Variants in INPPL1 observed in about 807,000 individuals in gnomAD.
INPPL1 encodes the protein inositol polyphosphate phosphatase like 1.
Under a neutral mutation model 139.3 loss-of-function variants are expected in INPPL1, and 91 were observed. The observed-to-expected ratio is 0.65, with a 90% confidence interval of 0.55 to 0.78. The LOEUF (loss-of-function observed/expected upper bound fraction) is 0.78, where lower values mean the gene tolerates loss of function less well. Ranked by LOEUF, INPPL1 falls within the 30% of genes least tolerant of loss-of-function variation. INPPL1 has a pLI of 0.00. For missense variants in INPPL1, 1,411 were observed against 1,665.6 expected (o/e 0.85, Z 2.66); for synonymous variants, 719 against 686.6 (o/e 1.05, Z -0.74).
At chr11:72,237,058 A>C (rs1382010027) in intron 25 of INPPL1, 66 bp from the exon 26 acceptor site, 1 of 1,429,762 alleles carries the variant, frequency 7.0e-7, no homozygotes, top group Non-Finnish European at 9.4e-7. Flanking sequence ...TTCTCCTTCC[A>C]CTGCTTCCAC....
At chr11:72,224,030 T>G (rs542191097), upstream of INPPL1, 4 of 152,162 alleles carry the variant, frequency 2.6e-5, no homozygotes, top group East Asian at 7.8e-4. Context: ...GGGATCCTCC[T>G]GGCTTCGGAC....
In INPPL1 at chr11:72,228,588, T is replaced by G; in HGVS notation, c.397+90T>G. The G allele has an allele frequency of 6.5e-7, 1 of 1,531,828 alleles. No individual in the cohort carries two copies. Among genetic ancestry groups the G allele is most frequent in the Non-Finnish European group, 8.8e-7 (1 of 1,132,580 alleles). 94.9% of individuals were successfully genotyped at this position (1,531,828 alleles called of 1,614,324 possible). A position where few individuals can be genotyped will look rare whatever the true frequency, so the allele number is the denominator to read the frequency against. The stretch of plus-strand genomic sequence containing the variant: ...CCCCCCTTCTCAACCCCACCTCTCC[T>G]GTAACCCCCTTTCCCTTGGCCATGA... On this transcript the variant is annotated intron_variant, in intron 3 of 27. Transcript: ENST00000298229. The surrounding 1 kb of genome is among the most constrained non-coding windows in gnomAD (Gnocchi z 5.0).
At position 72,237,266 on chromosome 11, in the gene INPPL1, C is replaced by T; in HGVS notation, c.3022C>T (p.Pro1008Ser). 1 of 1,614,032 alleles carries T rather than the reference C, an allele frequency of 6.2e-7. No individual in the cohort carries two copies. Among genetic ancestry groups the T allele is most frequent in the Non-Finnish European group, 8.5e-7 (1 of 1,180,016 alleles). Residue 1008 changes from proline (P) to serine (S), a missense_variant, in exon 26 of 28, where the codon CCT becomes TCT. Physicochemically the swap from Pro to Ser is moderately conservative, Grantham distance 74 (BLOSUM62 -1). Transcript: ENST00000298229. ...PPEPPSPARAPVPSATKNKVA... is the reference protein window; with the variant it reads ...PPEPPSPARASVPSATKNKVA... The stretch of plus-strand genomic sequence containing the variant: ...GGAGCCACCCTCGCCTGCCAGGGCC[C>T]CTGTCCCATCTGCCACCAAGAACAA...
chr11:72,235,857 G>T lies in INPPL1; in HGVS notation c.2750G>T (p.Arg917Leu), dbSNP rs748853590. 1 of 1,612,324 alleles carries T rather than the reference G, an allele frequency of 6.2e-7. No homozygotes were observed. Among genetic ancestry groups the T allele is most frequent in the East Asian group, 2.2e-5 (1 of 44,876 alleles). The change falls in exon 25 of 28, where the codon CGC becomes CTC. Residue 917 changes from arginine to leucine, a missense_variant. This residue lies in a region of INPPL1 where 99 missense variants were observed against 171.6 expected (regional missense o/e 0.58). Transcript: ENST00000298229. The surrounding 1 kb of genome is among the most constrained non-coding windows in gnomAD (Gnocchi z 4.9). ...RGSQEPRSGS[R>L]KPAFTEASCP... ...TGCATCCCTGGCAGGTCAGGGAGCC[G>T]CAAGCCAGCCTTCACAGAGGCCTCC... is the stretch of plus-strand genomic sequence containing the variant.
Position 72,237,709 on chromosome 11 carries a change from C to G in INPPL1, c.3465C>G (p.Pro1155=). 1.9e-6 allele frequency: 3 copies of G among 1,611,612 alleles called. No homozygotes were observed. The highest frequency in any genetic ancestry group is 1.7e-6 in the Non-Finnish European group (2 of 1,179,448). Residue 1155 remains proline, a synonymous_variant, in exon 26 of 28, where the codon CCC becomes CCG. Transcript: ENST00000298229. ...CAGGCCCCCTGGAGCTGCAGCCCCC[C>G]CGGGGACTGCCCTCGGACTATGGCC... ...LLPGPLELQP[P]RGLPSDYGRP...
rs1478649167 is a variant in INPPL1, at chr11:72,230,110, C to A, written c.940-11C>A. The A allele has an allele frequency of 1.9e-6, 3 of 1,611,052 alleles. No homozygotes were observed. The highest frequency in any genetic ancestry group is 1.7e-5 in the Admixed American group (1 of 59,940). ...AAGGTCTTGTCAGCAGCCTCCCCAC[C>A]TGGCCTACAGGTGAAGCTAGATGTG... On this transcript the variant is annotated splice_polypyrimidine_tract_variant and intron_variant, in intron 8 of 27. Transcript: ENST00000298229.
rs768403979 is a variant in INPPL1 at position 72,228,447 on chromosome 11, C to T, written c.346C>T (p.Pro116Ser). The T allele has an allele frequency of 1.2e-6, 2 of 1,612,170 alleles. No homozygotes were observed. Among genetic ancestry groups the T allele is most frequent in the South Asian group, 2.2e-5 (2 of 91,064 alleles). The change falls in exon 3 of 28, where the codon CCT becomes TCT. Residue 116 changes from proline to serine, a missense_variant. Physicochemically the swap from Pro to Ser is moderately conservative, Grantham distance 74. Around this residue, in one of 5 missense-constraint regions of INPPL1, gnomAD observed 504 missense variants for 595.6 expected, o/e 0.85. Coordinates refer to ENST00000298229, the MANE Select transcript of INPPL1 (RefSeq NM_001567.4). This position sits in a 1 kb window ranked among gnomAD's most constrained non-coding sequence, Gnocchi z 5.0. Reference sequence around the variant, plus strand: ...GGGCCTTGTGTGCGCCCTGCTTCTTCCTGTAGAGGGTGAGCGAGAGCCGGA... The same window carrying T: ...GGGCCTTGTGTGCGCCCTGCTTCTTTCTGTAGAGGGTGAGCGAGAGCCGGA... ...NQGLVCALLL[P>S]VEGEREPDPP... is the part of the protein sequence containing the mutation.
In INPPL1 at chr11:72,230,777, G is replaced by A; in HGVS notation, c.1198-19G>A. ...TTCCTGGATGCCTACCCGCCCCTGA[G>A]TGGCTGCTGTTCCCCCAGAAGCGGG... On this transcript the variant is annotated intron_variant, in intron 10 of 27. Coordinates refer to ENST00000298229, the MANE Select transcript of INPPL1 (RefSeq NM_001567.4). 1 of 1,609,940 alleles carries A rather than the reference G, an allele frequency of 6.2e-7. No individual in the cohort carries two copies. Among genetic ancestry groups the A allele is most frequent in the African/African-American group, 1.3e-5 (1 of 74,988 alleles).
intron 10 of INPPL1, 34 bp downstream of exon 10, chr11:72,230,502 T>A (rs764626800): frequency 6.3e-7 from 1 of 1,584,434 alleles, no homozygotes; most frequent in Non-Finnish European, 8.7e-7. Context: ...CACTGGGGAC[T>A]GCGGGGGTCC....
chr11:72,237,272 C>T lies in INPPL1; in HGVS notation c.3028C>T (p.Pro1010Ser). Residue 1010 changes from proline (P) to serine (S), a missense_variant, in exon 26 of 28, where the codon CCA becomes TCA. Coordinates refer to ENST00000298229, the MANE Select transcript of INPPL1 (RefSeq NM_001567.4). Reference sequence around the variant, plus strand: ...ACCCTCGCCTGCCAGGGCCCCTGTCCCATCTGCCACCAAGAACAAAGTGGC... The same window carrying T: ...ACCCTCGCCTGCCAGGGCCCCTGTCTCATCTGCCACCAAGAACAAAGTGGC... ...EPPSPARAPV[P>S]SATKNKVAIT... The T allele has an allele frequency of 6.2e-7, 1 of 1,614,022 alleles. No homozygotes were observed. Among genetic ancestry groups the T allele is most frequent in the Non-Finnish European group, 8.5e-7 (1 of 1,180,018 alleles).
chr11:72,234,732 AGTGTGTGTGT>A lies in INPPL1; in HGVS notation c.2415+140_2415+149del, dbSNP rs112903949. 2.3e-5 allele frequency: 12 copies of A among 528,410 alleles called. No individual in the cohort carries two copies. Among genetic ancestry groups the A allele is most frequent in the East Asian group, 3.3e-5 (1 of 30,600 alleles). 32.7% of individuals were successfully genotyped at this position (528,410 alleles called of 1,614,324 possible). ...GGGGCCAGCAGAGAGAGAGAGAGAG[AGTGTGTGTGT>A]GTGTGTGTGTGTGTGTGTGTGTATG... On this transcript the variant is annotated intron_variant, in intron 21 of 27. Transcript: ENST00000298229. The surrounding 1 kb of genome is among the most constrained non-coding windows in gnomAD (Gnocchi z 4.2).
Position 72,234,513 on chromosome 11 carries a change from C to T in INPPL1, c.2327-14C>T, listed in dbSNP as rs1160870782. 4 of 1,596,208 alleles carry T rather than the reference C, an allele frequency of 2.5e-6. No homozygotes were observed. Among genetic ancestry groups the T allele is most frequent in the South Asian group, 2.2e-5 (2 of 90,718 alleles). ...AGGTGGTGCTCAGTTGGGTGTCTCCCACCCCCACCCCAGAATACAAGAAGA... is the reference window on the plus strand; with the variant it reads ...AGGTGGTGCTCAGTTGGGTGTCTCCTACCCCCACCCCAGAATACAAGAAGA... On this transcript the variant is annotated splice_polypyrimidine_tract_variant and intron_variant, in intron 20 of 27. Coordinates refer to ENST00000298229, the MANE Select transcript of INPPL1 (RefSeq NM_001567.4). This position sits in a 1 kb window ranked among gnomAD's most constrained non-coding sequence, Gnocchi z 4.2.
Position 72,230,430 on chromosome 11 carries a change from C to T in INPPL1, c.1159C>T (p.Arg387Trp), listed in dbSNP as rs778197564. 12 of 1,613,946 alleles carry T rather than the reference C, an allele frequency of 7.4e-6. No individual in the cohort carries two copies. The highest frequency in any genetic ancestry group is 2.7e-5 in the African/African-American group (2 of 74,938). The change falls in exon 10 of 28, where the codon CGG becomes TGG. Residue 387 changes from arginine (R) to tryptophan (W), a missense_variant. By Grantham distance (101) the Arg-to-Trp change is moderately radical. Around this residue, in one of 5 missense-constraint regions of INPPL1, gnomAD observed 504 missense variants for 595.6 expected, o/e 0.85. Transcript: ENST00000298229. ...LGVVFEKEKD[R>W]TQRKDFIFVS... ...TGTTGTGTTTGAGAAGGAGAAGGAC[C>T]GGACTCAGCGCAAGGACTTCATCTT...
intron 1 of INPPL1, among the ~76,000 whole-genome samples, chr11:72,226,775 C>A (rs188284145): frequency 6.6e-6 from 1 of 152,182 alleles, no homozygotes; most frequent in African/African-American, 2.4e-5. Flanking sequence ...TTCCCAGCCC[C>A]CTCTGAGGCA....
Position 72,224,844 on chromosome 11 carries a change from C to G in INPPL1, c.-141C>G, listed in dbSNP as rs1234281950. The stretch of plus-strand genomic sequence containing the variant: ...ACGAGGCGGCCTGCGCGGCGGAGTG[C>G]TGAGTCCCGATCCCCGGCTCTGTCC... On this transcript the variant is annotated 5_prime_UTR_variant, in exon 1 of 28. Transcript: ENST00000298229. The G allele has an allele frequency of 4.4e-6, 2 of 450,164 alleles. No individual in the cohort carries two copies. Among genetic ancestry groups the G allele is most frequent in the Non-Finnish European group, 6.0e-6 (2 of 333,224 alleles). 27.9% of individuals were successfully genotyped at this position (450,164 alleles called of 1,614,324 possible).
Position 72,225,182 on chromosome 11 carries a change from G to A in INPPL1, c.182+16G>A. Reference sequence around the variant, plus strand: ...TCTGCGTCCTGTGAGTGGGGCGGGGGCTCCTTGCGGGCTGGCGTGGACCGG... The same window carrying A: ...TCTGCGTCCTGTGAGTGGGGCGGGGACTCCTTGCGGGCTGGCGTGGACCGG... On this transcript the variant is annotated intron_variant, in intron 1 of 27. Transcript: ENST00000298229. The A allele has an allele frequency of 1.1e-6, 1 of 948,118 alleles. No individual in the cohort carries two copies. The highest frequency in any genetic ancestry group is 1.4e-6 in the Non-Finnish European group (1 of 734,238). The allele number at this position is 948,118 out of a possible 1,614,324, so 58.7% of individuals were successfully genotyped here.
intron 19 of INPPL1, 21 bp downstream of exon 19, chr11:72,233,765 T>C: frequency 6.2e-7 from 1 of 1,603,106 alleles, no homozygotes; most frequent in Non-Finnish European, 8.5e-7. Context: ...CAGATATGCT[T>C]GTGGGTGTGG....
In INPPL1 at chr11:72,230,482, T is replaced by C; in HGVS notation, c.1197+14T>C. The C allele has an allele frequency of 6.2e-7, 1 of 1,611,898 alleles. No homozygotes were observed. Among genetic ancestry groups the C allele is most frequent in the Non-Finnish European group, 8.5e-7 (1 of 1,178,776 alleles). On this transcript the variant is annotated intron_variant, in intron 10 of 27. Coordinates refer to ENST00000298229, the MANE Select transcript of INPPL1 (RefSeq NM_001567.4). ...GTCAGTGCCCGGGTGAGCAGCAGGC[T>C]GGGCCAGGCCACTGGGGACTGCGGG... is the stretch of plus-strand genomic sequence containing the variant.
In INPPL1 at chr11:72,238,360, A is replaced by C. The variant is rs765926681; in HGVS notation, c.*7A>C. On this transcript the variant is annotated 3_prime_UTR_variant, in exon 28 of 28. Transcript: ENST00000298229. ...CCTGCAGCTCAGCAAGTGATAGCGG[A>C]GGCACCACGAAGCTGTGAACTCAGA... is the stretch of plus-strand genomic sequence containing the variant. 8 of 1,533,902 alleles carry C rather than the reference A, an allele frequency of 5.2e-6. 1 individual carries two copies. In the South Asian group the frequency reaches 9.0e-5, roughly 17 times the overall value.
Sources: allele counts gnomAD v4.1 joint callset (sites outside exome capture counted in the v4.1 genomes callset), GRCh38; gene constraint gnomAD v4.1.1; regional missense constraint gnomAD v4.1.1; non-coding constraint Gnocchi (gnomAD v3.1); transcripts MANE v1.5; gene names NCBI Gene and HGNC (gene_info 2026-07-23, HGNC 2026-07-21).